Variants in CAPN8 observed in about 807,000 individuals in gnomAD.
CAPN8 encodes the protein calpain-8.
In CAPN8, 87 loss-of-function variants were observed where a neutral mutation model predicts 80.9. The observed-to-expected ratio is 1.07, with a 90% CI of 0.90 to 1.28. The LOEUF is 1.28. Among genes scored for constraint, CAPN8 ranks in the 50% most tolerant of loss-of-function variants. CAPN8 has a pLI of 0.00. For synonymous variants in CAPN8, 299 were observed against 273.8 expected, an observed-to-expected ratio of 1.09 and a Z score of -0.91; for missense variants, 757 against 702.0, an observed-to-expected ratio of 1.08 and a Z score of -0.89.
chr1:223,660,861 G>A (rs938994831), intron 1 of CAPN8, among the ~76,000 whole-genome samples: 7 of 152,066 alleles, frequency 4.6e-5, no homozygotes, highest in Admixed American at 1.3e-4. Flanking sequence ...AAAAGCAAAC[G>A]ACACAATTAA....
chr1:223,543,429 A>G (rs73128193), intron 19 of CAPN8, among the ~76,000 whole-genome samples: 1,886 of 152,260 alleles, frequency 0.012, 39 homozygotes, highest in African/African-American at 0.042. Context: ...TGGTATCTCC[A>G]TCCTCAGAAG....
At chr1:223,619,503 T>A (rs1288551199) in intron 8 of CAPN8, 50 bp from the exon 9 acceptor site, 12 of 1,546,396 alleles carry the variant, frequency 7.8e-6, no homozygotes, top group Non-Finnish European at 1.0e-5. Context: ...TGGGTTGTGA[T>A]TAAAGGCACG....
chr1:223,665,683 C>T lies in CAPN8; in HGVS notation c.-37G>A. On this transcript the variant is annotated 5_prime_UTR_variant, in exon 1 of 21. Coordinates refer to ENST00000366872, the MANE Select transcript of CAPN8 (RefSeq NM_001143962.2). ...CTGTAGGGTGGACAGAAGGGCAGGG[C>T]TGCACTGTACTCTCAGACACCTGCT... 6.7e-7 allele frequency: 1 copy of T among 1,489,654 alleles called. No homozygotes were observed. Among genetic ancestry groups the T allele is most frequent in the Non-Finnish European group, 9.1e-7 (1 of 1,092,930 alleles). The allele number at this position is 1,489,654 out of a possible 1,614,324, so 92.3% of individuals were successfully genotyped here. A position where few individuals can be genotyped will look rare whatever the true frequency, so the allele number is the denominator to read the frequency against.
intron 16 of CAPN8, among the ~76,000 whole-genome samples, chr1:223,546,151 T>C (rs962470748): frequency 4.6e-5 from 7 of 152,086 alleles, no homozygotes; most frequent in African/African-American, 1.7e-4. Context: ...TAGTTTTGAA[T>C]GCACTTATGC....
intron 7 of CAPN8, 127 bp from the exon 8 acceptor site, chr1:223,620,393 A>G: frequency 2.5e-6 from 2 of 796,102 alleles, no homozygotes; most frequent in South Asian, 1.6e-5. Flanking sequence ...AGGCAGACAG[A>G]AAGGCAGAAT....
chr1:223,617,288 G>GA (rs1458971985), intron 9 of CAPN8: 2 of 149,758 alleles, frequency 1.3e-5, no homozygotes, highest in Admixed American at 1.3e-4. Context: ...TTTGGGGGGG[G>GA]GGGTTGTTTG....
rs142610176 is a variant in CAPN8 at position 223,631,252 on chromosome 1, C to T, written c.308-2472G>A. ...CCGCCTACCCTCCAGCCAGAAGTCA[C>T]CGCTTTTTTGGTATGTGTCCTAAAG... is the stretch of plus-strand genomic sequence containing the variant. On this transcript the variant is annotated intron_variant, in intron 2 of 20. Transcript: ENST00000366872. 7.2e-5 allele frequency among the ~76,000 whole-genome samples: 11 copies of T among 152,316 alleles called. No homozygotes were observed. The East Asian group carries it at 2.1e-3, about 29-fold the overall frequency.
At position 223,625,892 on chromosome 1, in the gene CAPN8, C is replaced by A; in HGVS notation, c.730-4G>T. On this transcript the variant is annotated splice_polypyrimidine_tract_variant and splice_region_variant and intron_variant, in intron 5 of 20. Coordinates refer to ENST00000366872, the MANE Select transcript of CAPN8 (RefSeq NM_001143962.2). ...CGGCTTCGGCTGCACTGGAGACCTG[C>A]GTAGAGAAGAAAGTCCACTCAGTGG... 2 of 1,549,898 alleles carry A rather than the reference C, an allele frequency of 1.3e-6. No individual in the cohort carries two copies. The highest frequency in any genetic ancestry group is 1.7e-6 in the Non-Finnish European group (2 of 1,145,552).
chr1:223,625,923 C>A, intron 5 of CAPN8, 35 bp from the exon 6 acceptor site: 1 of 1,520,080 alleles, frequency 6.6e-7, no homozygotes. Context: ...AGTGGCTGAC[C>A]CTGACCTCTC....
intron 14 of CAPN8, 151 bp from the exon 15 acceptor site, chr1:223,551,168 A>G: frequency 1.7e-6 from 1 of 584,272 alleles, no homozygotes; most frequent in Non-Finnish European, 3.1e-6. Context: ...TTTTTGAGAC[A>G]GTCTTACTCT....
rs1202583956 is a variant in CAPN8 at position 223,616,123 on chromosome 1, C to A, written c.1158G>T (p.Gln386His). The stretch of plus-strand genomic sequence containing the variant: ...CCACTTCATCCAAACGGATTTTGAA[C>A]TGGGGATTGGTCCAGTACGTGGCTG... ...NYPATYWTNP[Q>H]FKIRLDEVDE... is the part of the protein sequence containing the mutation. The change falls in exon 10 of 21, where the codon CAG becomes CAT. Residue 386 changes from glutamine to histidine, a missense_variant. Coordinates refer to ENST00000366872, the MANE Select transcript of CAPN8 (RefSeq NM_001143962.2). 3 of 1,551,632 alleles carry A rather than the reference C, an allele frequency of 1.9e-6. No individual in the cohort carries two copies. In the Admixed American group the frequency reaches 5.9e-5, roughly 30 times the overall value.
intron 11 of CAPN8, among the ~76,000 whole-genome samples, chr1:223,610,402 C>A (rs1343216966): frequency 6.6e-6 from 1 of 152,196 alleles, no homozygotes; most frequent in Non-Finnish European, 1.5e-5. Flanking sequence ...CCTTGAGATT[C>A]TCCCTAAAAA....
chr1:223,545,672 A>G (rs1005891556), intron 16 of CAPN8, among the ~76,000 whole-genome samples: 1 of 152,158 alleles, frequency 6.6e-6, no homozygotes, highest in Non-Finnish European at 1.5e-5. Flanking sequence ...GTTTGTTGGA[A>G]TGTCAAAATG....
In CAPN8 at chr1:223,657,414, G is replaced by A. The variant is rs79938879; in HGVS notation, c.238-3015C>T. Among the ~76,000 whole-genome samples, 1,427 of 152,266 alleles carry A rather than the reference G, an allele frequency of 9.4e-3. 13 individuals carry two copies. Among genetic ancestry groups the A allele is most frequent in the African/African-American group, 0.031 (1,291 of 41,548 alleles). On this transcript the variant is annotated intron_variant, in intron 1 of 20. Coordinates refer to ENST00000366872, the MANE Select transcript of CAPN8 (RefSeq NM_001143962.2). ...AAAATGTTGTGTCGTCAAGAGGAAA[G>A]AAAAGACAGCACACTCAATAGGGGT...
intron 17 of CAPN8, 169 bp from the exon 18 acceptor site, chr1:223,545,019 C>A: frequency 7.0e-7 from 1 of 1,421,790 alleles, no homozygotes; most frequent in Non-Finnish European, 9.4e-7. Flanking sequence ...TTGGCCAGTG[C>A]TGGCCCCTTT....
At chr1:223,634,057 C>T (rs988460138) in intron 2 of CAPN8, among the ~76,000 whole-genome samples, 6 of 152,174 alleles carry the variant, frequency 3.9e-5, no homozygotes, top group Non-Finnish European at 8.8e-5. Flanking sequence ...GCTGCCCATT[C>T]AGGAATCCAG....
At chr1:223,622,982 G>A in intron 6 of CAPN8, 82 bp from the exon 7 acceptor site, 1 of 1,141,006 alleles carries the variant, frequency 8.8e-7, no homozygotes, top group Middle Eastern at 2.0e-4. Context: ...GACAGGATCT[G>A]CATTAAATTT....
chr1:223,650,532 AATCAT>A (rs1658317930), intron 2 of CAPN8, among the ~76,000 whole-genome samples: 1 of 152,210 alleles, frequency 6.6e-6, no homozygotes, highest in Admixed American at 6.5e-5. Flanking sequence ...GAAAGTCTGG[AATCAT>A]TAGTCGTCCT....
intron 11 of CAPN8, 86 bp downstream of exon 11, chr1:223,612,160 G>T: frequency 8.7e-7 from 1 of 1,143,080 alleles, no homozygotes; most frequent in South Asian, 4.5e-5. Context: ...TTCTACCACA[G>T]GAAACAGACG....
Sources: gnomAD v4.1 joint callset for allele counts (sites outside exome capture counted in the v4.1 genomes callset) on GRCh38, gnomAD v4.1.1 for gene constraint, MANE v1.5 for transcripts, NCBI Gene and HGNC (gene_info 2026-07-23, HGNC 2026-07-21) for gene names.